CSMD1: variants seen among roughly 807,000 people sequenced by gnomAD.
CSMD1 encodes the protein CUB and Sushi multiple domains 1.
Under a neutral mutation model 417.5 loss-of-function variants are expected in CSMD1, and 213 were observed. That is an observed-to-expected ratio of 0.51 (90% CI 0.46 to 0.57). The LOEUF is 0.57. Among genes scored for constraint, CSMD1 ranks in the 20% least tolerant of loss-of-function variants. The pLI, the probability that CSMD1 is intolerant of heterozygous loss-of-function variation, is 0.00. For synonymous variants in CSMD1, 2,862 were observed against 1,736.8 expected (o/e 1.65, Z -16.11); for missense variants, 6,923 against 4,529.7 (o/e 1.53, Z -15.17).
chr8:4,234,133 G>C (rs1290537432), intron 3 of CSMD1, among the ~76,000 whole-genome samples: 1 of 152,150 alleles, frequency 6.6e-6, no homozygotes, highest in East Asian at 1.9e-4. Flanking sequence ...TGAAATGGAA[G>C]ATTATTCTTC....
At chr8:3,290,084 A>C (rs571625222) in intron 25 of CSMD1, among the ~76,000 whole-genome samples, 2 of 147,088 alleles carry the variant, frequency 1.4e-5, no homozygotes, top group Non-Finnish European at 2.9e-5. Context: ...TAAATAGGGA[A>C]TGCTTTCCCC....
chr8:4,628,646 G>T (rs1009959084), intron 2 of CSMD1, among the ~76,000 whole-genome samples: 1 of 151,502 alleles, frequency 6.6e-6, no homozygotes, highest in Non-Finnish European at 1.5e-5. Flanking sequence ...TGCCCTGCCA[G>T]GGACACTAAA....
At chr8:4,092,933 C>G (rs1176091538) in intron 3 of CSMD1, among the ~76,000 whole-genome samples, 1 of 151,902 alleles carries the variant, frequency 6.6e-6, no homozygotes, top group African/African-American at 2.4e-5. Flanking sequence ...TCTCTGAATC[C>G]TTTATTACTC....
rs552242756 is a variant in CSMD1 at position 3,444,343 on chromosome 8, T to C, written c.1561+24369A>G. 2.6e-5 allele frequency among the ~76,000 whole-genome samples: 4 copies of C among 152,248 alleles called. No homozygotes were observed. The East Asian group carries it at 5.8e-4, about 22-fold the overall frequency. On this transcript the variant is annotated intron_variant, in intron 12 of 69. Transcript: ENST00000635120. ...TCAAGAACACACTAAAAGGCAAAATTAGCACAATTTTAGCATCAACAAAGA... is the reference window on the plus strand; with the variant it reads ...TCAAGAACACACTAAAAGGCAAAATCAGCACAATTTTAGCATCAACAAAGA...
intron 1 of CSMD1, among the ~76,000 whole-genome samples, chr8:4,773,719 T>A (rs149941637): frequency 6.6e-6 from 1 of 152,200 alleles, no homozygotes; most frequent in South Asian, 2.1e-4. Context: ...ACCACTCTTA[T>A]GATGAACATT....
intron 3 of CSMD1, among the ~76,000 whole-genome samples, chr8:4,106,645 T>C (rs1040266581): frequency 2.0e-5 from 3 of 152,248 alleles, no homozygotes; most frequent in Non-Finnish European, 4.4e-5. Flanking sequence ...GTGATGTTGA[T>C]AGGTATTCAC....
chr8:4,280,378 C>T (rs558669163), intron 3 of CSMD1, among the ~76,000 whole-genome samples: 2 of 152,266 alleles, frequency 1.3e-5, no homozygotes, highest in Admixed American at 6.5e-5. Flanking sequence ...ATAGACACGA[C>T]ATGTTTTCTT....
chr8:4,967,935 A>C (rs367714053), intron 1 of CSMD1, among the ~76,000 whole-genome samples: 11 of 152,294 alleles, frequency 7.2e-5, no homozygotes, highest in South Asian at 2.1e-4. Flanking sequence ...AAAATGATTG[A>C]AAATGATGTA....
chr8:4,935,653 A>G (rs1807564936), intron 1 of CSMD1, among the ~76,000 whole-genome samples: 1 of 152,216 alleles, frequency 6.6e-6, no homozygotes, highest in Admixed American at 6.5e-5. Context: ...CGATGATATC[A>G]CCATTGTAAC....
intron 3 of CSMD1, among the ~76,000 whole-genome samples, chr8:4,093,963 CAAATAGATAGAT>C (rs1292580149): frequency 8.7e-6 from 1 of 114,540 alleles, no homozygotes; most frequent in Non-Finnish European, 1.8e-5. Flanking sequence ...GACTACATCT[CAAATAGATAGAT>C]AGATAGATAG....
intron 2 of CSMD1, among the ~76,000 whole-genome samples, chr8:4,618,131 C>T (rs1248465577): frequency 6.6e-6 from 1 of 152,188 alleles, no homozygotes; most frequent in Non-Finnish European, 1.5e-5. Flanking sequence ...AGGTTTCTGT[C>T]CTTCAAGAAA....
intron 7 of CSMD1, among the ~76,000 whole-genome samples, chr8:3,700,885 G>T (rs914044304): frequency 1.3e-5 from 2 of 152,134 alleles, no homozygotes; most frequent in Non-Finnish European, 1.5e-5. Flanking sequence ...GAAGAGGAAG[G>T]ATGTGGTTCT....
chr8:4,025,597 C>T (rs7814462), intron 4 of CSMD1, among the ~76,000 whole-genome samples: 26,473 of 152,002 alleles, frequency 0.17, 3,088 homozygotes, highest in African/African-American at 0.32. Flanking sequence ...ACAGTAAATC[C>T]TTTTTAAGAC....
At chr8:3,952,388 T>C (rs2980779) in intron 5 of CSMD1, among the ~76,000 whole-genome samples, 43,720 of 152,104 alleles carry the variant, frequency 0.29, 6,501 homozygotes, top group Middle Eastern at 0.34. Flanking sequence ...TAATTCTACT[T>C]AGTTTCTTCA....
At chr8:4,724,524 G>C (rs1221963788) in intron 1 of CSMD1, among the ~76,000 whole-genome samples, 1 of 78,672 alleles carries the variant, frequency 1.3e-5, no homozygotes, top group Admixed American at 1.1e-4. Context: ...ATATATATGT[G>C]TGTGTGTGTG....
At chr8:4,491,653 G>T (rs1052561395) in intron 2 of CSMD1, among the ~76,000 whole-genome samples, 1 of 152,140 alleles carries the variant, frequency 6.6e-6, no homozygotes, top group Non-Finnish European at 1.5e-5. Context: ...TCAACCTCAT[G>T]TCCTTAGAAC....
chr8:4,330,256 C>G (rs948478059), intron 3 of CSMD1, among the ~76,000 whole-genome samples: 5 of 123,334 alleles, frequency 4.1e-5, no homozygotes, highest in Non-Finnish European at 7.8e-5. Flanking sequence ...TCCAGTAGGA[C>G]TCTGTCTGGT....
intron 1 of CSMD1, among the ~76,000 whole-genome samples, chr8:4,646,792 A>T (rs1803544645): frequency 1.3e-5 from 2 of 152,240 alleles, no homozygotes; most frequent in Non-Finnish European, 1.5e-5. Flanking sequence ...GTTGAAGCTA[A>T]TACAAGCTCT....
At chr8:3,045,599 A>G (rs969642889) in intron 50 of CSMD1, among the ~76,000 whole-genome samples, 1 of 152,178 alleles carries the variant, frequency 6.6e-6, no homozygotes, top group Non-Finnish European at 1.5e-5. Context: ...CCTACTTAAT[A>G]CTTCTCAGAA....
Sources: gnomAD v4.1 joint callset for allele counts (sites outside exome capture counted in the v4.1 genomes callset) on GRCh38, gnomAD v4.1.1 for gene constraint, MANE v1.5 for transcripts, NCBI Gene and HGNC (gene_info 2026-07-23, HGNC 2026-07-21) for gene names.